The following PCDH9 variants were observed in gnomAD, a reference collection of about 807,000 sequenced individuals.
PCDH9 encodes protocadherin-9.
PCDH9 carries 24 observed loss-of-function variants against 70.6 expected under a neutral mutation model. That is an observed-to-expected ratio of 0.34 (90% CI 0.25 to 0.48). PCDH9 has a LOEUF of 0.48. Among genes scored for constraint, PCDH9 ranks in the 20% least tolerant of loss-of-function variants. The probability of loss-of-function intolerance (pLI) is 0.99; values close to 1 mark genes in which losing one functional copy is unlikely to be tolerated. For missense variants in PCDH9, 1,281 were observed against 1,503.6 expected, an observed-to-expected ratio of 0.85 and a Z score of 2.45; for synonymous variants, 562 against 558.5, an observed-to-expected ratio of 1.01 and a Z score of -0.09.
intron 4 of PCDH9, among the ~76,000 whole-genome samples, chr13:66,393,331 C>T (rs1213522955): frequency 6.6e-6 from 1 of 152,118 alleles, no homozygotes; most frequent in Admixed American, 6.6e-5. Context: ...AAAAGAAGGC[C>T]TGCAAACAAC....
chr13:67,030,650 A>T (rs2084887380), intron 2 of PCDH9, among the ~76,000 whole-genome samples: 1 of 152,022 alleles, frequency 6.6e-6, no homozygotes. Context: ...TACCCCATAA[A>T]TGTGTACAAA....
chr13:66,684,301 G>A (rs1271801345), intron 3 of PCDH9, among the ~76,000 whole-genome samples: 1 of 152,102 alleles, frequency 6.6e-6, no homozygotes, highest in African/African-American at 2.4e-5. Context: ...TACTCTGATC[G>A]CTATAATCTT....
rs1235710165 is a variant in PCDH9 at position 67,044,812 on chromosome 13, G to A, written c.3037-141207C>T. On this transcript the variant is annotated intron_variant, in intron 2 of 4. Transcript: ENST00000377865. Reference sequence around the variant, plus strand: ...AGTTTGCATCAGGATTTCAGCAGGGGAGAGAAAATGAATGAAATGGGAAGG... The same window carrying A: ...AGTTTGCATCAGGATTTCAGCAGGGAAGAGAAAATGAATGAAATGGGAAGG... Among the ~76,000 whole-genome samples, 3 of 152,088 alleles carry A rather than the reference G, an allele frequency of 2.0e-5. No homozygotes were observed. The South Asian group carries it at 6.2e-4, about 32-fold the overall frequency.
intron 3 of PCDH9, among the ~76,000 whole-genome samples, chr13:66,868,844 G>A (rs1403162543): frequency 1.3e-5 from 2 of 152,084 alleles, no homozygotes; most frequent in South Asian, 2.1e-4. Flanking sequence ...CCATTTGCCT[G>A]ACACTTTGCT....
At chr13:66,574,033 C>T (rs780288454) in intron 4 of PCDH9, among the ~76,000 whole-genome samples, 2 of 152,250 alleles carry the variant, frequency 1.3e-5, no homozygotes, top group African/African-American at 4.8e-5. Flanking sequence ...GACGAAATCA[C>T]CTAGGAAAAC....
chr13:66,370,146 T>A (rs1425342332), intron 4 of PCDH9, among the ~76,000 whole-genome samples: 4 of 152,088 alleles, frequency 2.6e-5, no homozygotes, highest in Admixed American at 2.6e-4. Context: ...AACATGTGAT[T>A]TTAAATACTT....
intron 3 of PCDH9, among the ~76,000 whole-genome samples, chr13:66,638,448 A>G (rs2077668593): frequency 6.6e-6 from 1 of 152,228 alleles, no homozygotes; most frequent in Admixed American, 6.5e-5. Flanking sequence ...CCAGCCATAA[A>G]TTAAAATTTA....
chr13:66,355,807 C>T (rs1459507163), intron 4 of PCDH9, among the ~76,000 whole-genome samples: 1 of 152,040 alleles, frequency 6.6e-6, no homozygotes, highest in African/African-American at 2.4e-5. Context: ...TTGGCTAATT[C>T]AGTGTTCATG....
chr13:66,536,218 C>T (rs4883780), intron 4 of PCDH9, among the ~76,000 whole-genome samples: 84,173 of 151,662 alleles, frequency 0.56, 23,599 homozygotes, highest in East Asian at 0.67. Context: ...GTTTATAAGG[C>T]GAGTTATTTA....
chr13:66,420,501 T>C (rs565650592), intron 4 of PCDH9, among the ~76,000 whole-genome samples: 1 of 152,272 alleles, frequency 6.6e-6, no homozygotes, highest in Non-Finnish European at 1.5e-5. Context: ...GCAGCAATCT[T>C]TGCTGTTCTG....
chr13:66,510,601 A>G (rs1959423961), intron 4 of PCDH9, among the ~76,000 whole-genome samples: 1 of 152,092 alleles, frequency 6.6e-6, no homozygotes, highest in African/African-American at 2.4e-5. Context: ...ATGAGTGAGA[A>G]CATGCGGTGT....
At chr13:66,557,742 T>C (rs968304113) in intron 4 of PCDH9, among the ~76,000 whole-genome samples, 19 of 152,318 alleles carry the variant, frequency 1.2e-4, no homozygotes, top group Admixed American at 1.2e-3. Context: ...GGAGAAGATG[T>C]GCTAATGATA....
chr13:66,523,988 G>A (rs112616406), intron 4 of PCDH9, among the ~76,000 whole-genome samples: 4 of 152,012 alleles, frequency 2.6e-5, no homozygotes, highest in African/African-American at 9.7e-5. Context: ...GGTCAGCATC[G>A]CTCATTATGA....
At chr13:66,756,383 A>G (rs2079538589) in intron 3 of PCDH9, among the ~76,000 whole-genome samples, 1 of 152,332 alleles carries the variant, frequency 6.6e-6, no homozygotes, top group South Asian at 2.1e-4. Context: ...CAAGTCTGAA[A>G]ATGTAAATAG....
At chr13:66,569,322 G>A (rs7336189) in intron 4 of PCDH9, among the ~76,000 whole-genome samples, 52,483 of 151,608 alleles carry the variant, frequency 0.35, 9,567 homozygotes, top group African/African-American at 0.46. Context: ...CCAGCCAAAA[G>A]TGTCATTTTA....
chr13:66,419,991 G>A (rs944607348), intron 4 of PCDH9, among the ~76,000 whole-genome samples: 3 of 152,036 alleles, frequency 2.0e-5, no homozygotes, highest in African/African-American at 4.8e-5. Context: ...GTGGGGGGAG[G>A]GGCATCCGCC....
chr13:66,899,135 A>G (rs951750806), intron 3 of PCDH9, among the ~76,000 whole-genome samples: 1 of 152,076 alleles, frequency 6.6e-6, no homozygotes, highest in Non-Finnish European at 1.5e-5. Context: ...TATGAAACCA[A>G]TGGTTATTTC....
chr13:66,385,735 A>G (rs1770811327), intron 4 of PCDH9, among the ~76,000 whole-genome samples: 1 of 152,206 alleles, frequency 6.6e-6, no homozygotes, highest in Non-Finnish European at 1.5e-5. Context: ...GTTTACAAAA[A>G]GGCAATCAAC....
intron 2 of PCDH9, among the ~76,000 whole-genome samples, chr13:66,910,477 G>T (rs2082442324): frequency 6.6e-6 from 1 of 152,066 alleles, no homozygotes; most frequent in Non-Finnish European, 1.5e-5. Context: ...TACAATAAAT[G>T]GAACCAGTAC....
Sources: gnomAD v4.1 joint callset for allele counts (sites outside exome capture counted in the v4.1 genomes callset) on GRCh38, gnomAD v4.1.1 for gene constraint, MANE v1.5 for transcripts, NCBI Gene and HGNC (gene_info 2026-07-23, HGNC 2026-07-21) for gene names.